Variants in GUSB observed in about 807,000 individuals in gnomAD.
GUSB encodes beta-glucuronidase.
GUSB carries 51 observed loss-of-function variants against 74.6 expected under a neutral mutation model. That is an observed-to-expected ratio of 0.68 (90% CI 0.55 to 0.86). The LOEUF (loss-of-function observed/expected upper bound fraction) is 0.86. Among genes scored for constraint, GUSB ranks in the 40% least tolerant of loss-of-function variants. The probability of loss-of-function intolerance (pLI) is 0.00; values close to 1 mark genes in which losing one functional copy is unlikely to be tolerated. For synonymous variants in GUSB, 360 were observed against 348.3 expected (o/e 1.03, Z -0.37); for missense variants, 736 against 853.7 (o/e 0.86, Z 1.72).
intron 4 of GUSB, 106 bp downstream of exon 4, chr7:65,979,293 G>C (rs1343079628): frequency 4.6e-6 from 5 of 1,078,538 alleles, no homozygotes; most frequent in Non-Finnish European, 7.2e-6. Flanking sequence ...AATCTGTGAG[G>C]GTGTAGAGAT....
chr7:65,966,778 T>C (rs1330033993), intron 10 of GUSB, among the ~76,000 whole-genome samples: 1 of 150,888 alleles, frequency 6.6e-6, no homozygotes, highest in South Asian at 2.1e-4. Context: ...AACAAGACCC[T>C]GAAAAAAAGA....
intron 9 of GUSB, among the ~76,000 whole-genome samples, chr7:65,968,731 C>T (rs548506275): frequency 1.3e-5 from 2 of 152,140 alleles, no homozygotes; most frequent in African/African-American, 2.4e-5. Flanking sequence ...GGATTACAGG[C>T]GTGCGCCACC....
chr7:65,979,047 G>A (rs761116768), intron 4 of GUSB, among the ~76,000 whole-genome samples: 43 of 152,108 alleles, frequency 2.8e-4, no homozygotes, highest in Non-Finnish European at 1.3e-4. Context: ...TGGATGACAG[G>A]CATAAGCCAC....
chr7:65,968,007 T>C, intron 9 of GUSB, 100 bp from the exon 10 acceptor site: 1 of 993,322 alleles, frequency 1.0e-6, no homozygotes, highest in Non-Finnish European at 1.6e-6. Flanking sequence ...GTAAGGGGGA[T>C]GTAATCCCAG....
chr7:65,975,047 G>A lies in GUSB; in HGVS notation c.937C>T (p.Leu313=), dbSNP rs769871779. The change falls in exon 6 of 12, where the codon CTG becomes TTG. Residue 313 remains leucine (L), a synonymous_variant. Transcript: ENST00000304895. The part of the protein sequence containing the change: ...LEVQLTAQTS[L]GPVSDFYTLP... ...GTGTAGAAGTCAGACACAGGCCCCA[G>A]TGACGTCTGTGCAGTCAGCTGCACC... The A allele has an allele frequency of 6.2e-6, 10 of 1,613,374 alleles. No homozygotes were observed. In the African/African-American group the frequency reaches 1.1e-4, roughly 17 times the overall value.
chr7:65,981,718 A>G, intron 1 of GUSB: 1 of 423,996 alleles, frequency 2.4e-6, no homozygotes, highest in Non-Finnish European at 4.2e-6. Flanking sequence ...AAGGAAGGAT[A>G]CTGCACAGAC....
intron 1 of GUSB, among the ~76,000 whole-genome samples, chr7:65,981,441 T>C (rs1792014027): frequency 6.6e-6 from 1 of 151,972 alleles, no homozygotes; most frequent in Admixed American, 6.6e-5. Flanking sequence ...CCTGTTATGT[T>C]GGCCAGCCTG....
At chr7:65,968,324 T>A (rs151213008) in intron 9 of GUSB, among the ~76,000 whole-genome samples, 210 of 151,422 alleles carry the variant, frequency 1.4e-3, no homozygotes, top group Non-Finnish European at 2.4e-3. Context: ...GAAATTACCC[T>A]GCCATAGGCA....
intron 8 of GUSB, among the ~76,000 whole-genome samples, chr7:65,971,289 G>A (rs1791191216): frequency 1.3e-5 from 2 of 152,210 alleles, no homozygotes; most frequent in Non-Finnish European, 2.9e-5. Context: ...CCTGGGCAGT[G>A]GGAGTGGAGA....
At chr7:65,971,767 A>G (rs1349638986) in intron 8 of GUSB, among the ~76,000 whole-genome samples, 1 of 150,908 alleles carries the variant, frequency 6.6e-6, no homozygotes, top group East Asian at 2.0e-4. Flanking sequence ...TTAGCCTGAC[A>G]TGGCCGCACA....
chr7:65,980,954 G>GATGTC (rs1267825263), intron 1 of GUSB: 39 of 205,030 alleles, frequency 1.9e-4, no homozygotes, highest in African/African-American at 7.8e-4. Flanking sequence ...TCCTGGGCCT[G>GATGTC]ATGTCATGTC....
At chr7:65,976,223 C>T (rs781404289) in intron 4 of GUSB, 21 bp from the exon 5 acceptor site, 3 of 1,589,600 alleles carry the variant, frequency 1.9e-6, no homozygotes, top group South Asian at 2.2e-5. Flanking sequence ...CAAGAGAGAC[C>T]AGGGCTGAGG....
At chr7:65,974,190 T>G (rs1791400999) in intron 8 of GUSB, 105 bp downstream of exon 8, 1 of 1,072,232 alleles carries the variant, frequency 9.3e-7, no homozygotes, top group Non-Finnish European at 1.4e-6. Context: ...GCCTTCCCAT[T>G]GGGCTGGACA....
rs140016611 is a variant in GUSB at position 65,980,398 on chromosome 7, G to C, written c.222C>G (p.Thr74=). The C allele has an allele frequency of 1.9e-6, 3 of 1,613,168 alleles. No homozygotes were observed. The highest frequency in any genetic ancestry group is 1.7e-5 in the Admixed American group (1 of 59,900). Residue 74 remains threonine, a synonymous_variant, in exon 2 of 12, where the codon ACC becomes ACG. Transcript: ENST00000304895. ...YRRPLWESGP[T]VDMPVPSSFN... Reference sequence around the variant, plus strand: ...AGCTGGAGGGAACTGGCATGTCCACGGTGGGGCCTGACTGTGGAGAGAAGA... The same window carrying C: ...AGCTGGAGGGAACTGGCATGTCCACCGTGGGGCCTGACTGTGGAGAGAAGA...
Position 65,960,855 on chromosome 7 carries a change from T to G in GUSB, c.*42A>C. 6.3e-7 allele frequency: 1 copy of G among 1,578,516 alleles called. No homozygotes were observed. Among genetic ancestry groups the G allele is most frequent in the Non-Finnish European group, 8.7e-7 (1 of 1,147,830 alleles). On this transcript the variant is annotated 3_prime_UTR_variant, in exon 12 of 12. Coordinates refer to ENST00000304895, the MANE Select transcript of GUSB (RefSeq NM_000181.4). The stretch of plus-strand genomic sequence containing the variant: ...TGTTCTGCTGCTGTGGAAGTCGCCC[T>G]GACTCGGGGAGGAAGGGACACGCAG...
intron 8 of GUSB, among the ~76,000 whole-genome samples, chr7:65,971,064 C>T (rs1476676969): frequency 2.6e-5 from 4 of 152,168 alleles, no homozygotes; most frequent in Admixed American, 2.6e-4. Flanking sequence ...GAGGAGCAGC[C>T]ACTCTTCCAG....
intron 4 of GUSB, among the ~76,000 whole-genome samples, chr7:65,977,500 T>C (rs896867305): frequency 6.6e-6 from 1 of 152,168 alleles, no homozygotes; most frequent in Non-Finnish European, 1.5e-5. Context: ...CTATGGTGCA[T>C]TGTCTTTGCT....
intron 4 of GUSB, 107 bp from the exon 5 acceptor site, chr7:65,976,309 CT>C (rs1791574388): frequency 3.9e-6 from 3 of 763,428 alleles, no homozygotes; most frequent in South Asian, 3.1e-5. Flanking sequence ...GTTTCTGTTG[CT>C]TTTTTTAAAT....
At chr7:65,968,838 C>T (rs1037498231) in intron 9 of GUSB, among the ~76,000 whole-genome samples, 2 of 152,118 alleles carry the variant, frequency 1.3e-5, no homozygotes, top group South Asian at 2.1e-4. Context: ...CTGCCTGCCT[C>T]GGCCTCCCAA....
Sources: gnomAD v4.1 joint callset for allele counts (sites outside exome capture counted in the v4.1 genomes callset) on GRCh38, gnomAD v4.1.1 for gene constraint, MANE v1.5 for transcripts, NCBI Gene and HGNC (gene_info 2026-07-23, HGNC 2026-07-21) for gene names.